The following PLCXD2 variants were observed in gnomAD, a reference collection of about 807,000 sequenced individuals.
PLCXD2 encodes phosphatidylinositol specific phospholipase C X domain containing 2, also known as PI-PLC X domain-containing protein 2.
A neutral mutation model predicts 28.6 loss-of-function variants in PLCXD2; 21 were observed. The ratio of observed to expected loss-of-function variants is 0.73; its 90% CI spans 0.52 to 1.06. PLCXD2 has a LOEUF of 1.06. Among genes scored for constraint, PLCXD2 ranks in the 50% least tolerant of loss-of-function variants. The probability of loss-of-function intolerance (pLI) is 0.00; values close to 1 mark genes in which losing one functional copy is unlikely to be tolerated. For missense variants in PLCXD2, 369 were observed against 376.7 expected (o/e 0.98, Z 0.17); for synonymous variants, 140 against 150.1 (o/e 0.93, Z 0.49).
At chr3:111,702,014 A>G (rs958470147) in intron 1 of PLCXD2, among the ~76,000 whole-genome samples, 1 of 152,074 alleles carries the variant, frequency 6.6e-6, no homozygotes, top group Non-Finnish European at 1.5e-5. Flanking sequence ...TAAGTTTGCA[A>G]CTTACAAGAG....
intron 1 of PLCXD2, among the ~76,000 whole-genome samples, chr3:111,698,155 T>C (rs1445147276): frequency 6.6e-6 from 1 of 152,190 alleles, no homozygotes; most frequent in Non-Finnish European, 1.5e-5. Context: ...ACAAATTTCT[T>C]AATAATTAAT....
intron 3 of PLCXD2, chr3:111,721,188 T>C (rs953135941): frequency 1.7e-5 from 3 of 180,598 alleles, no homozygotes; most frequent in South Asian, 2.0e-4. Flanking sequence ...CTAGGACCCA[T>C]TGGGGTATTG....
chr3:111,698,976 GCACAGATA>G (rs1941003718), intron 1 of PLCXD2, among the ~76,000 whole-genome samples: 1 of 152,146 alleles, frequency 6.6e-6, no homozygotes, highest in Non-Finnish European at 1.5e-5. Context: ...GTGCCTAAAG[GCACAGATA>G]CACTGAATGG....
intron 1 of PLCXD2, among the ~76,000 whole-genome samples, chr3:111,680,192 A>G (rs1431312941): frequency 6.6e-6 from 1 of 152,166 alleles, no homozygotes; most frequent in Non-Finnish European, 1.5e-5. Flanking sequence ...TGTGACATGG[A>G]GACAAAATCC....
At chr3:111,712,764 C>G (rs571330735) in intron 2 of PLCXD2, among the ~76,000 whole-genome samples, 1 of 152,156 alleles carries the variant, frequency 6.6e-6, no homozygotes, top group African/African-American at 2.4e-5. Flanking sequence ...GTCCAGGCCT[C>G]GTGAGCATGT....
At position 111,708,412 on chromosome 3, in the gene PLCXD2, C is replaced by A. The variant is rs371716369; in HGVS notation, c.624+26C>A. On this transcript the variant is annotated intron_variant, in intron 2 of 4. Transcript: ENST00000477665. ...GTAGGAGGGAAGGAGAGATAAGCTT[C>A]CAAGAGCAAGAATTTAACTCTTCCT... is the stretch of plus-strand genomic sequence containing the variant. 9.6e-5 allele frequency: 153 copies of A among 1,587,242 alleles called. No individual in the cohort carries two copies. In the African/African-American group the frequency reaches 1.7e-3, roughly 17 times the overall value.
intron 1 of PLCXD2, among the ~76,000 whole-genome samples, chr3:111,678,547 C>A (rs1940659874): frequency 6.6e-6 from 1 of 152,062 alleles, no homozygotes; most frequent in African/African-American, 2.4e-5. Context: ...TTAAAAAACA[C>A]TTTCTTTCTT....
intron 1 of PLCXD2, among the ~76,000 whole-genome samples, chr3:111,694,681 G>T (rs1213694597): frequency 6.6e-6 from 1 of 152,190 alleles, no homozygotes; most frequent in Non-Finnish European, 1.5e-5. Flanking sequence ...TTGTGAGTCA[G>T]GAAGATGTTC....
intron 1 of PLCXD2, among the ~76,000 whole-genome samples, chr3:111,684,384 T>G (rs1322273485): frequency 6.7e-6 from 1 of 148,942 alleles, no homozygotes; most frequent in Non-Finnish European, 1.5e-5. Context: ...CTGGGCACAG[T>G]GGCTCATGCC....
At chr3:111,697,370 G>A (rs1328830315) in intron 1 of PLCXD2, among the ~76,000 whole-genome samples, 2 of 152,132 alleles carry the variant, frequency 1.3e-5, no homozygotes, top group Non-Finnish European at 2.9e-5. Context: ...AAGCACACTC[G>A]AGAGGCCTAA....
intron 1 of PLCXD2, among the ~76,000 whole-genome samples, chr3:111,683,386 C>T (rs1165246640): frequency 6.6e-6 from 1 of 152,114 alleles, no homozygotes; most frequent in African/African-American, 2.4e-5. Flanking sequence ...CCTAATGAGC[C>T]TTATATGCCC....
At chr3:111,713,280 A>G (rs960849002) in intron 2 of PLCXD2, among the ~76,000 whole-genome samples, 1 of 152,206 alleles carries the variant, frequency 6.6e-6, no homozygotes, top group African/African-American at 2.4e-5. Context: ...AAAAAAATAC[A>G]TATTCATTTT....
At chr3:111,681,002 A>G (rs1940706249) in intron 1 of PLCXD2, among the ~76,000 whole-genome samples, 1 of 152,208 alleles carries the variant, frequency 6.6e-6, no homozygotes, top group Admixed American at 6.5e-5. Flanking sequence ...TGTGACTGGA[A>G]TGGACAACAA....
intron 1 of PLCXD2, among the ~76,000 whole-genome samples, chr3:111,676,184 T>C (rs944764133): frequency 3.3e-5 from 5 of 152,172 alleles, no homozygotes; most frequent in African/African-American, 1.2e-4. Context: ...TAGGGAAGGA[T>C]ATTTGGACAG....
chr3:111,703,557 T>A (rs1191345458), intron 1 of PLCXD2, among the ~76,000 whole-genome samples: 1 of 152,238 alleles, frequency 6.6e-6, no homozygotes, highest in Non-Finnish European at 1.5e-5. Flanking sequence ...TATTCCCTAA[T>A]GCCCAGGGAA....
chr3:111,714,161 T>C, intron 3 of PLCXD2, 33 bp downstream of exon 3: 1 of 1,599,506 alleles, frequency 6.3e-7, no homozygotes, highest in Non-Finnish European at 8.5e-7. Context: ...CAAGGAAAGC[T>C]TTTTAAAAAA....
At chr3:111,711,214 G>A (rs1012009522) in intron 2 of PLCXD2, among the ~76,000 whole-genome samples, 2 of 152,058 alleles carry the variant, frequency 1.3e-5, no homozygotes, top group Non-Finnish European at 2.9e-5. Flanking sequence ...AAGCAGCCTG[G>A]CCAACGTGGT....
At chr3:111,679,990 A>G (rs1454198953) in intron 1 of PLCXD2, among the ~76,000 whole-genome samples, 2 of 152,108 alleles carry the variant, frequency 1.3e-5, no homozygotes, top group Non-Finnish European at 2.9e-5. Flanking sequence ...GGCAGGGTCA[A>G]CCCTTCCACA....
intron 1 of PLCXD2, among the ~76,000 whole-genome samples, chr3:111,678,850 G>T (rs996248178): frequency 6.6e-6 from 1 of 152,076 alleles, no homozygotes; most frequent in Non-Finnish European, 1.5e-5. Flanking sequence ...GTCATTTTAG[G>T]TCTAAAACCT....
Sources: allele counts gnomAD v4.1 joint callset (sites outside exome capture counted in the v4.1 genomes callset), GRCh38; gene constraint gnomAD v4.1.1; transcripts MANE v1.5; gene names NCBI Gene and HGNC (gene_info 2026-07-23, HGNC 2026-07-21).